MICB: variants seen among roughly 807,000 people sequenced by gnomAD.
MICB encodes the protein MHC class I polypeptide-related sequence B.
Under a neutral mutation model 34.3 loss-of-function variants are expected in MICB, and 27 were observed. The ratio of observed to expected loss-of-function variants is 0.79; its 90% confidence interval spans 0.58 to 1.08. The LOEUF (loss-of-function observed/expected upper bound fraction) is 1.08. MICB is among the 50% of genes least tolerant of loss of function. The probability of loss-of-function intolerance (pLI) is 0.00; values close to 1 mark genes in which losing one functional copy is unlikely to be tolerated. For synonymous variants in MICB, 153 were observed against 187.4 expected (o/e 0.82, Z 1.50); for missense variants, 426 against 483.1 (o/e 0.88, Z 1.11).
At chr6:31,495,844 A>G (rs3130925), upstream of MICB, among the ~76,000 whole-genome samples, 121,838 of 151,634 alleles carry the variant, frequency 0.8, 49,254 homozygotes, top group East Asian at 0.91. Flanking sequence ...CTATAATCAC[A>G]CCACTGCATT....
chr6:31,510,484 G>A lies in MICB; in HGVS notation c.*575G>A, dbSNP rs1331521756. ...CGCCCTTTGTTCAGTCCAATACAGG[G>A]TTGTGGGGCCCTTAACAGTGCCATA... On this transcript the variant is annotated 3_prime_UTR_variant, in exon 6 of 6. Coordinates refer to ENST00000252229, the MANE Select transcript of MICB (RefSeq NM_005931.5). 6.6e-6 allele frequency: 1 copy of A among 152,136 alleles called. No homozygotes were observed. Among genetic ancestry groups the A allele is most frequent in the Non-Finnish European group, 1.5e-5 (1 of 68,064 alleles). 9.4% of individuals were successfully genotyped at this position (152,136 alleles called of 1,614,324 possible).
At position 31,505,776 on chromosome 6, in the gene MICB, T is replaced by C; in HGVS notation, c.230T>C (p.Leu77Pro). The change falls in exon 2 of 6, where the codon CTG (leucine) becomes CCG (proline). Residue 77 changes from leucine (L) to proline (P), a missense_variant. By Grantham distance (98) the Leu-to-Pro change is moderately conservative (BLOSUM62 -3). Coordinates refer to ENST00000252229, the MANE Select transcript of MICB (RefSeq NM_005931.5). ...KPQGQWAENVLGAKTWDTETE... is the reference protein window; with the variant it reads ...KPQGQWAENVPGAKTWDTETE... Reference sequence around the variant, plus strand: ...CAGGGACAGTGGGCAGAAAATGTCCTGGGAGCTAAGACCTGGGACACAGAG... The same window carrying C: ...CAGGGACAGTGGGCAGAAAATGTCCCGGGAGCTAAGACCTGGGACACAGAG... The C allele has an allele frequency of 1.2e-6, 2 of 1,613,212 alleles. No individual in the cohort carries two copies. Among genetic ancestry groups the C allele is most frequent in the Non-Finnish European group, 1.7e-6 (2 of 1,180,030 alleles).
At chr6:31,497,262 A>G (rs951050556), upstream of MICB, among the ~76,000 whole-genome samples, 6 of 152,088 alleles carry the variant, frequency 3.9e-5, no homozygotes, top group Non-Finnish European at 8.8e-5. Flanking sequence ...TTCTTAAGAG[A>G]AACTGAGGAG....
intron 1 of MICB, among the ~76,000 whole-genome samples, chr6:31,502,626 G>A (rs985695218): frequency 8.5e-5 from 13 of 152,310 alleles, no homozygotes; most frequent in African/African-American, 3.1e-4. Flanking sequence ...TTGTTCTTCA[G>A]TTCTAATAGT....
chr6:31,501,098 T>C (rs1764997707), intron 1 of MICB, among the ~76,000 whole-genome samples: 3 of 152,166 alleles, frequency 2.0e-5, no homozygotes. Context: ...GGATTCCTTA[T>C]TGCCTGTCTT....
chr6:31,500,581 C>T (rs1764964670), intron 1 of MICB, among the ~76,000 whole-genome samples: 1 of 152,060 alleles, frequency 6.6e-6, no homozygotes, highest in South Asian at 2.1e-4. Flanking sequence ...ATTAACCATC[C>T]GCACTCCCCC....
At chr6:31,498,497 A>G (rs1343096423) in intron 1 of MICB, among the ~76,000 whole-genome samples, 4 of 108,990 alleles carry the variant, frequency 3.7e-5, no homozygotes, top group African/African-American at 1.4e-4. Flanking sequence ...TCTGAGACGG[A>G]GTCTCTGTCG....
In MICB at chr6:31,507,442, A is replaced by AT; in HGVS notation, c.936dup (p.Val313CysfsTer69). ...CAGAGTCAACGGACAGACTTTCCATATGTTTCTGCTGCTATGCCATGTTTT... is the reference window on the plus strand; with the variant it reads ...CAGAGTCAACGGACAGACTTTCCATATTGTTTCTGCTGCTATGCCATGTTTT... On this transcript the variant is annotated frameshift_variant, in exon 5 of 6. Transcript: ENST00000252229. LOFTEE classifies it high-confidence loss of function. The surrounding 1 kb of genome is among the most constrained non-coding windows in gnomAD (Gnocchi z 6.0). 1.2e-6 allele frequency: 2 copies of AT among 1,614,014 alleles called. No individual in the cohort carries two copies. The highest frequency in any genetic ancestry group is 1.7e-6 in the Non-Finnish European group (2 of 1,179,998).
intron 1 of MICB, among the ~76,000 whole-genome samples, chr6:31,502,775 T>C (rs545377517): frequency 3.3e-5 from 5 of 152,214 alleles, no homozygotes; most frequent in Non-Finnish European, 5.9e-5. Context: ...ACTTGCAGTA[T>C]TGTGTTGCAT....
intron 5 of MICB, among the ~76,000 whole-genome samples, chr6:31,508,887 C>T (rs1765506019): frequency 6.6e-6 from 1 of 152,168 alleles, no homozygotes; most frequent in Non-Finnish European, 1.5e-5. Context: ...CCAGAAGGGT[C>T]TGTGTGGAGA....
chr6:31,508,590 G>A (rs1765488162), intron 5 of MICB, among the ~76,000 whole-genome samples: 3 of 152,224 alleles, frequency 2.0e-5, no homozygotes, highest in African/African-American at 7.2e-5. Context: ...AGCAGGGGCA[G>A]TGCAGGTCTG....
intron 1 of MICB, among the ~76,000 whole-genome samples, chr6:31,503,826 C>T (rs1270087163): frequency 6.6e-5 from 10 of 152,006 alleles, no homozygotes; most frequent in South Asian, 2.1e-4. Context: ...TTGGATCATA[C>T]GGTATTTCAT....
intron 1 of MICB, among the ~76,000 whole-genome samples, chr6:31,504,184 A>G (rs1765157252): frequency 7.0e-6 from 1 of 143,542 alleles, no homozygotes; most frequent in Non-Finnish European, 1.5e-5. Context: ...CCCATTTTTG[A>G]GTGGGTTGAC....
chr6:31,508,913 C>A (rs1254145018), intron 5 of MICB, among the ~76,000 whole-genome samples: 1 of 152,084 alleles, frequency 6.6e-6, no homozygotes, highest in Non-Finnish European at 1.5e-5. Flanking sequence ...GCTGTGGCAG[C>A]GGCAGTTCCC....
intron 1 of MICB, among the ~76,000 whole-genome samples, chr6:31,503,451 T>C (rs1209399390): frequency 2.0e-5 from 3 of 152,218 alleles, no homozygotes; most frequent in Non-Finnish European, 4.4e-5. Context: ...AATCAGTAAC[T>C]CCCCATTCCT....
intron 5 of MICB, 151 bp from the exon 6 acceptor site, chr6:31,509,631 G>A: frequency 1.0e-6 from 1 of 956,506 alleles, no homozygotes; most frequent in Non-Finnish European, 1.5e-6. Context: ...GCTGGGAAAA[G>A]CAAGGAGGGA....
At chr6:31,498,818 GTC>G (rs1417400362) in intron 1 of MICB, 1 of 115,100 alleles carries the variant, frequency 8.7e-6, no homozygotes, top group Non-Finnish European at 2.1e-5. Flanking sequence ...GCATTTTCTG[GTC>G]TCTCCTGCAC....
intron 1 of MICB, among the ~76,000 whole-genome samples, chr6:31,503,549 G>T (rs1410199079): frequency 6.6e-6 from 1 of 152,062 alleles, no homozygotes; most frequent in Non-Finnish European, 1.5e-5. Flanking sequence ...GTAGAATCGT[G>T]TAATGTTTGT....
chr6:31,495,466 A>G (rs1764605395), upstream of MICB, among the ~76,000 whole-genome samples: 2 of 152,172 alleles, frequency 1.3e-5, no homozygotes, highest in Non-Finnish European at 2.9e-5. Context: ...ACAGGACCCC[A>G]GTCCCTGCTG....
Sources: allele counts gnomAD v4.1 joint callset (sites outside exome capture counted in the v4.1 genomes callset), GRCh38; gene constraint gnomAD v4.1.1; non-coding constraint Gnocchi (gnomAD v3.1); transcripts MANE v1.5; gene names NCBI Gene and HGNC (gene_info 2026-07-23, HGNC 2026-07-21).